The following BAALC variants were observed in gnomAD, a reference collection of about 807,000 sequenced individuals.
BAALC encodes the protein BAALC binder of MAP3K1 and KLF4, also known as brain and acute leukemia cytoplasmic protein.
A neutral mutation model predicts 15.5 loss-of-function variants in BAALC; 9 were observed. The ratio of observed to expected loss-of-function variants is 0.58; its 90% CI spans 0.35 to 1.02. The LOEUF (loss-of-function observed/expected upper bound fraction) is 1.02. Among genes scored for constraint, BAALC ranks in the 50% least tolerant of loss-of-function variants. The probability of loss-of-function intolerance (pLI) is 0.02; values close to 1 mark genes in which losing one functional copy is unlikely to be tolerated. For synonymous variants in BAALC, 80 were observed against 74.6 expected, an observed-to-expected ratio of 1.07 and a Z score of -0.37; for missense variants, 201 against 192.4, an observed-to-expected ratio of 1.04 and a Z score of -0.27.
intron 2 of BAALC, 143 bp from the exon 3 acceptor site, chr8:103,227,846 T>G: frequency 1.6e-6 from 1 of 618,514 alleles, no homozygotes; most frequent in South Asian, 2.0e-5. Flanking sequence ...AGATCACAAA[T>G]GTTCCTGTGA....
chr8:103,228,108 C>G lies in BAALC; in HGVS notation c.*9C>G. The G allele has an allele frequency of 1.3e-6, 2 of 1,575,482 alleles. No homozygotes were observed. Among genetic ancestry groups the G allele is most frequent in the Non-Finnish European group, 1.7e-6 (2 of 1,146,072 alleles). ...AGAACTGTGTCAACTAGCAGAGAGT[C>G]CAAGCAGAAGGGCAGATGGACTTCT... On this transcript the variant is annotated 3_prime_UTR_variant, in exon 3 of 3. Transcript: ENST00000309982.
At chr8:103,149,396 AG>A (rs1810937986) in intron 1 of BAALC, among the ~76,000 whole-genome samples, 1 of 152,228 alleles carries the variant, frequency 6.6e-6, no homozygotes, top group Non-Finnish European at 1.5e-5. Context: ...CCCATTAAAC[AG>A]GAACAGTCTT....
intron 1 of BAALC, among the ~76,000 whole-genome samples, chr8:103,195,880 C>A (rs139470111): frequency 2.6e-5 from 4 of 152,114 alleles, no homozygotes. Context: ...ATGGGGCAAG[C>A]AGACATGGAA....
chr8:103,150,840 C>T (rs536090309), intron 1 of BAALC, among the ~76,000 whole-genome samples: 35 of 152,142 alleles, frequency 2.3e-4, no homozygotes, highest in African/African-American at 5.8e-4. Context: ...CCCACAGGAT[C>T]ACCCGGCCAG....
At chr8:103,151,310 C>G (rs923367943) in intron 1 of BAALC, among the ~76,000 whole-genome samples, 1 of 152,210 alleles carries the variant, frequency 6.6e-6, no homozygotes, top group African/African-American at 2.4e-5. Flanking sequence ...AGCCACCTCA[C>G]CCGGCCTAGG....
intron 1 of BAALC, among the ~76,000 whole-genome samples, chr8:103,160,669 C>A (rs2129903641): frequency 6.6e-6 from 1 of 152,178 alleles, no homozygotes; most frequent in African/African-American, 2.4e-5. Context: ...TAAGTATTAA[C>A]TTACATGATC....
chr8:103,162,243 T>C (rs1257746205), intron 1 of BAALC, among the ~76,000 whole-genome samples: 1 of 152,242 alleles, frequency 6.6e-6, no homozygotes, highest in East Asian at 1.9e-4. Flanking sequence ...ATTACAGGAA[T>C]GAGCCACCAT....
intron 2 of BAALC, among the ~76,000 whole-genome samples, chr8:103,221,145 G>A (rs1812668544): frequency 6.6e-6 from 1 of 152,202 alleles, no homozygotes; most frequent in Admixed American, 6.5e-5. Flanking sequence ...GTCCATCTGG[G>A]TCAGAGACTG....
rs1401578209 is a variant in BAALC at position 103,213,147 on chromosome 8, G to C, written c.327+62G>C. The C allele has an allele frequency of 5.2e-6, 8 of 1,550,558 alleles. No homozygotes were observed. In the African/African-American group the frequency reaches 9.5e-5, roughly 18 times the overall value. On this transcript the variant is annotated intron_variant, in intron 2 of 2. Coordinates refer to ENST00000309982, the MANE Select transcript of BAALC (RefSeq NM_024812.3). ...GAATGGGGGTAGGGCTTGCTTCAGG[G>C]CAGAGCCACCCAGCCGCTATGTCCA...
At chr8:103,219,804 G>A (rs747841384) in intron 2 of BAALC, among the ~76,000 whole-genome samples, 2 of 152,230 alleles carry the variant, frequency 1.3e-5, no homozygotes, top group Non-Finnish European at 2.9e-5. Context: ...GTGTGTTATT[G>A]TGTATCTTCC....
intron 1 of BAALC, among the ~76,000 whole-genome samples, chr8:103,157,418 T>G (rs1811120813): frequency 6.6e-6 from 1 of 152,156 alleles, no homozygotes; most frequent in Non-Finnish European, 1.5e-5. Context: ...TCCATTCCCC[T>G]TCATCAATTG....
chr8:103,212,829 T>C, intron 1 of BAALC, 90 bp from the exon 2 acceptor site: 1 of 1,411,802 alleles, frequency 7.1e-7, no homozygotes, highest in Non-Finnish European at 9.5e-7. Flanking sequence ...TTTTTTCATT[T>C]TGACTATCTG....
chr8:103,166,344 A>G (rs1230087640), intron 1 of BAALC: 1 of 152,648 alleles, frequency 6.6e-6, no homozygotes, highest in Non-Finnish European at 1.5e-5. Context: ...GAGAAGGAGA[A>G]GCTAAATTTC....
chr8:103,157,357 C>T (rs957380714), intron 1 of BAALC, among the ~76,000 whole-genome samples: 2 of 152,236 alleles, frequency 1.3e-5, no homozygotes, highest in Middle Eastern at 3.4e-3. Context: ...AATAAACCCC[C>T]ACGTATCCAT....
At chr8:103,192,596 C>T (rs1811996068) in intron 1 of BAALC, among the ~76,000 whole-genome samples, 1 of 152,220 alleles carries the variant, frequency 6.6e-6, no homozygotes, top group Non-Finnish European at 1.5e-5. Context: ...TGGCACAATT[C>T]CCAGTTACAG....
chr8:103,177,860 A>T (rs1056549354), intron 1 of BAALC, among the ~76,000 whole-genome samples: 1 of 152,240 alleles, frequency 6.6e-6, no homozygotes, highest in Non-Finnish European at 1.5e-5. Flanking sequence ...CTATTCTAAG[A>T]GCTTTGTGTA....
intron 1 of BAALC, among the ~76,000 whole-genome samples, chr8:103,169,194 G>A (rs1025382108): frequency 2.6e-5 from 4 of 151,330 alleles, no homozygotes; most frequent in African/African-American, 7.3e-5. Context: ...CTTCCATATT[G>A]TCTTCCAATT....
chr8:103,173,314 T>C (rs900330810), intron 1 of BAALC, among the ~76,000 whole-genome samples: 2 of 152,226 alleles, frequency 1.3e-5, no homozygotes, highest in Non-Finnish European at 2.9e-5. Context: ...TGTATTTAAA[T>C]GACTCAGAAG....
chr8:103,184,872 G>A (rs989039773), intron 1 of BAALC, among the ~76,000 whole-genome samples: 1 of 152,188 alleles, frequency 6.6e-6, no homozygotes, highest in Non-Finnish European at 1.5e-5. Flanking sequence ...GCAGAGAGCT[G>A]TCGTTTATTC....
Sources: allele counts gnomAD v4.1 joint callset (sites outside exome capture counted in the v4.1 genomes callset), GRCh38; gene constraint gnomAD v4.1.1; transcripts MANE v1.5; gene names NCBI Gene and HGNC (gene_info 2026-07-23, HGNC 2026-07-21).